Variants in DOCK3 observed in about 807,000 individuals in gnomAD.
DOCK3 encodes the protein dedicator of cytokinesis protein 3.
Under a neutral mutation model 265.6 loss-of-function variants are expected in DOCK3, and 60 were observed. The observed-to-expected ratio is 0.23, with a 90% CI of 0.18 to 0.28. DOCK3 has a LOEUF of 0.28. Ranked by LOEUF, DOCK3 falls within the 10% of genes least tolerant of loss-of-function variation. The probability of loss-of-function intolerance (pLI) is 1.00; values close to 1 mark genes in which losing one functional copy is unlikely to be tolerated. For missense variants in DOCK3, 1,981 were observed against 2,594.3 expected, an observed-to-expected ratio of 0.76 and a Z score of 5.14; for synonymous variants, 881 against 938.0, an observed-to-expected ratio of 0.94 and a Z score of 1.11.
At chr3:50,967,669 C>T (rs1380648797) in intron 5 of DOCK3, among the ~76,000 whole-genome samples, 1 of 152,162 alleles carries the variant, frequency 6.6e-6, no homozygotes, top group African/African-American at 2.4e-5. Context: ...CGTCCTTCTT[C>T]ACATAATGGC....
At chr3:51,112,778 A>G (rs998790585) in intron 9 of DOCK3, among the ~76,000 whole-genome samples, 3 of 152,192 alleles carry the variant, frequency 2.0e-5, no homozygotes, top group Admixed American at 2.0e-4. Flanking sequence ...TGCACATACA[A>G]TTAAAGTTTT....
intron 12 of DOCK3, among the ~76,000 whole-genome samples, chr3:51,172,376 C>T (rs139973711): frequency 6.8e-4 from 104 of 152,212 alleles, no homozygotes; most frequent in African/African-American, 2.4e-3. Flanking sequence ...TGGGGTTTCA[C>T]CATGTTAGCC....
In DOCK3 at chr3:51,228,851, A is replaced by C. The variant is rs1195371036; in HGVS notation, c.1819+19A>C. On this transcript the variant is annotated intron_variant, in intron 18 of 52. Transcript: ENST00000266037. ...CAGAATGGTAGGTGATAATGCCTGCAGGGTGGTGCCCTCCACCCTCCTCCA... is the reference window on the plus strand; with the variant it reads ...CAGAATGGTAGGTGATAATGCCTGCCGGGTGGTGCCCTCCACCCTCCTCCA... 1 of 1,611,972 alleles carries C rather than the reference A, an allele frequency of 6.2e-7. No homozygotes were observed. Among genetic ancestry groups the C allele is most frequent in the African/African-American group, 1.3e-5 (1 of 74,922 alleles).
chr3:50,832,111 A>C (rs534914548), intron 2 of DOCK3, among the ~76,000 whole-genome samples: 88 of 152,330 alleles, frequency 5.8e-4, no homozygotes, highest in Non-Finnish European at 8.8e-4. Flanking sequence ...AGTAATGGGG[A>C]AAGGATTCCC....
At chr3:50,985,980 G>A (rs1198026213) in intron 5 of DOCK3, among the ~76,000 whole-genome samples, 1 of 151,622 alleles carries the variant, frequency 6.6e-6, no homozygotes, top group Non-Finnish European at 1.5e-5. Context: ...TTTCTGCTAG[G>A]CATTCTACCT....
chr3:51,149,735 G>A (rs1195682697), intron 10 of DOCK3, among the ~76,000 whole-genome samples: 3 of 152,114 alleles, frequency 2.0e-5, no homozygotes, highest in Non-Finnish European at 2.9e-5. Context: ...TGCTGGATTC[G>A]GTTTGCCAGT....
chr3:51,164,940 C>T (rs1301095287), intron 12 of DOCK3, among the ~76,000 whole-genome samples: 6 of 106,904 alleles, frequency 5.6e-5, no homozygotes, highest in African/African-American at 1.1e-4. Flanking sequence ...GTTTAGGAGC[C>T]TTTTTTTTTT....
intron 31 of DOCK3, 119 bp downstream of exon 31, chr3:51,313,021 A>T: frequency 1.1e-6 from 1 of 934,814 alleles, no homozygotes; most frequent in South Asian, 1.6e-5. Flanking sequence ...AGATCCTTAC[A>T]TATCTTTCAC....
chr3:50,954,833 TC>T lies in DOCK3; in HGVS notation c.315+20758del, dbSNP rs553552282. Among the ~76,000 whole-genome samples, 1,178 of 152,328 alleles carry T rather than the reference TC, an allele frequency of 7.7e-3. 12 individuals carry two copies. The highest frequency in any genetic ancestry group is 0.027 in the African/African-American group (1,115 of 41,576). ...GCAGAAGCTGTTAAGTTTAATTAGA[TC>T]CTATTTGTCAATTTTTACTTTTGTT... is the stretch of plus-strand genomic sequence containing the variant. On this transcript the variant is annotated intron_variant, in intron 5 of 52. Coordinates refer to ENST00000266037, the MANE Select transcript of DOCK3 (RefSeq NM_004947.5).
chr3:51,203,933 A>G (rs1311092111), intron 12 of DOCK3, among the ~76,000 whole-genome samples: 1 of 152,218 alleles, frequency 6.6e-6, no homozygotes, highest in Non-Finnish European at 1.5e-5. Flanking sequence ...CCTATTTAAT[A>G]AATGGTGCTG....
chr3:50,694,268 T>A (rs2035461563), intron 1 of DOCK3, among the ~76,000 whole-genome samples: 1 of 151,218 alleles, frequency 6.6e-6, no homozygotes, highest in Non-Finnish European at 1.5e-5. Context: ...AGACTTTGTC[T>A]CCAAAAAAAC....
intron 26 of DOCK3, chr3:51,278,567 G>A (rs1560339267): frequency 2.0e-6 from 2 of 984,634 alleles, no homozygotes; most frequent in Admixed American, 6.2e-5. Flanking sequence ...AAGAGTGTCT[G>A]CTCCTTTAGG....
chr3:51,253,511 G>T (rs765916396), intron 22 of DOCK3, among the ~76,000 whole-genome samples: 17 of 151,982 alleles, frequency 1.1e-4, no homozygotes, highest in Non-Finnish European at 2.4e-4. Flanking sequence ...TTTTTGGTTG[G>T]TAGGCTATTA....
At chr3:50,901,250 TC>T (rs1221306762) in intron 4 of DOCK3, among the ~76,000 whole-genome samples, 2 of 152,154 alleles carry the variant, frequency 1.3e-5, no homozygotes, top group African/African-American at 4.8e-5. Flanking sequence ...AGTTTGAACT[TC>T]CTGATGGCTT....
intron 9 of DOCK3, among the ~76,000 whole-genome samples, chr3:51,145,227 TTTATTA>T (rs150240532): frequency 0.071 from 10,767 of 151,824 alleles, 935 homozygotes; most frequent in East Asian, 0.31. Context: ...TGGATCTCTT[TTTATTA>T]TTATTATTAT....
chr3:51,315,107 A>T lies in DOCK3; in HGVS notation c.3381A>T (p.Arg1127Ser). Residue 1127 changes from arginine to serine, a missense_variant, in exon 32 of 53, where the codon AGA (arginine) becomes AGT (serine). Coordinates refer to ENST00000266037, the MANE Select transcript of DOCK3 (RefSeq NM_004947.5). ...IFHDMMDWEQ[R>S]KNGNFKQVEA... The stretch of plus-strand genomic sequence containing the variant: ...ATGACATGATGGACTGGGAGCAGAG[A>T]AAAAATGGCAACTTCAAACAGGTAA... The T allele has an allele frequency of 3.7e-6, 6 of 1,609,678 alleles. No individual in the cohort carries two copies. Among genetic ancestry groups the T allele is most frequent in the Non-Finnish European group, 4.2e-6 (5 of 1,177,354 alleles).
intron 9 of DOCK3, among the ~76,000 whole-genome samples, chr3:51,137,022 A>G (rs1428282779): frequency 6.6e-6 from 1 of 151,554 alleles, no homozygotes; most frequent in Non-Finnish European, 1.5e-5. Context: ...AACTTAAAGT[A>G]TAATAATAAT....
chr3:50,902,498 A>G (rs769320675), intron 4 of DOCK3, among the ~76,000 whole-genome samples: 21 of 152,178 alleles, frequency 1.4e-4, no homozygotes, highest in Admixed American at 7.2e-4. Flanking sequence ...GTAGAAGTTC[A>G]GTCTTATTTT....
intron 27 of DOCK3, among the ~76,000 whole-genome samples, chr3:51,292,137 A>T (rs1214104256): frequency 6.6e-6 from 1 of 152,222 alleles, no homozygotes; most frequent in African/African-American, 2.4e-5. Flanking sequence ...TTAACTTCAC[A>T]CTCAACAGTG....
Sources: gnomAD v4.1 joint callset for allele counts (sites outside exome capture counted in the v4.1 genomes callset) on GRCh38, gnomAD v4.1.1 for gene constraint, MANE v1.5 for transcripts, NCBI Gene and HGNC (gene_info 2026-07-23, HGNC 2026-07-21) for gene names.